SEC14L1: variants seen among roughly 807,000 people sequenced by gnomAD.
SEC14L1 encodes SEC14 like lipid binding 1.
A neutral mutation model predicts 85.3 loss-of-function variants in SEC14L1; 48 were observed. The observed-to-expected ratio is 0.56, with a 90% CI of 0.45 to 0.72. SEC14L1 has a LOEUF of 0.72. Ranked by LOEUF, SEC14L1 falls within the 30% of genes least tolerant of loss-of-function variation. The probability of loss-of-function intolerance (pLI) is 0.00; values close to 1 mark genes in which losing one functional copy is unlikely to be tolerated. For synonymous variants in SEC14L1, 391 were observed against 355.5 expected, an observed-to-expected ratio of 1.10 and a Z score of -1.12; for missense variants, 682 against 921.4, an observed-to-expected ratio of 0.74 and a Z score of 3.36.
chr17:77,164,702 A>G (rs1017105372), intron 3 of SEC14L1, among the ~76,000 whole-genome samples: 3 of 151,996 alleles, frequency 2.0e-5, no homozygotes, highest in African/African-American at 4.8e-5. Flanking sequence ...CAGACATGAT[A>G]ATTGGGTGGG....
At chr17:77,183,745 T>C (rs1340147000) in intron 3 of SEC14L1, among the ~76,000 whole-genome samples, 2 of 152,248 alleles carry the variant, frequency 1.3e-5, no homozygotes, top group East Asian at 1.9e-4. Flanking sequence ...CAAGAGCTAA[T>C]GCAGCATTGC....
chr17:77,104,830 G>A lies in SEC14L1; in HGVS notation c.-136+11483G>A, dbSNP rs554720379. ...AAAGAAAGTTTTTTTTTGTGTGTGT[G>A]TGTGTCAAGGTTGAGGACACGTACC... On this transcript the variant is annotated intron_variant, in intron 3 of 19. Transcript: ENST00000392476. Among the ~76,000 whole-genome samples, 137 of 149,782 alleles carry A rather than the reference G, an allele frequency of 9.1e-4. 1 individual carries two copies. The highest frequency in any genetic ancestry group is 3.3e-3 in the African/African-American group (133 of 40,678).
intron 5 of SEC14L1, among the ~76,000 whole-genome samples, chr17:77,193,139 T>G (rs557296518): frequency 1.3e-5 from 2 of 152,254 alleles, no homozygotes; most frequent in Non-Finnish European, 2.9e-5. Context: ...TCAGTGAGTA[T>G]GTTGAATGAA....
rs1194179307 is a variant in SEC14L1 at position 77,141,068 on chromosome 17, T to A, written c.-175T>A. 7.1e-6 allele frequency: 1 copy of A among 140,952 alleles called. No homozygotes were observed. Among genetic ancestry groups the A allele is most frequent in the African/African-American group, 2.7e-5 (1 of 37,102 alleles). The allele number at this position is 140,952 out of a possible 1,614,324, so 8.7% of individuals were successfully genotyped here. ...GCGGAGCCGCCGGTATGAGCGCCCC[T>A]CGCCACCCCGTGTCCCAGGCCCGGC... On this transcript the variant is annotated 5_prime_UTR_variant, in exon 1 of 17. Coordinates refer to ENST00000436233, the MANE Select transcript of SEC14L1 (RefSeq NM_001143998.2).
At chr17:77,150,405 C>T (rs544096214) in intron 3 of SEC14L1, among the ~76,000 whole-genome samples, 1 of 152,316 alleles carries the variant, frequency 6.6e-6, no homozygotes, top group African/African-American at 2.4e-5. Flanking sequence ...AGATACCCTG[C>T]CCCTTCTCAC....
intron 3 of SEC14L1, among the ~76,000 whole-genome samples, chr17:77,127,194 T>C (rs1237717355): frequency 1.3e-5 from 2 of 151,820 alleles, no homozygotes; most frequent in African/African-American, 2.4e-5. Context: ...TGTCCATGTG[T>C]TCTCATTGTT....
intron 3 of SEC14L1, among the ~76,000 whole-genome samples, chr17:77,164,172 C>T (rs1337457120): frequency 1.3e-5 from 2 of 152,228 alleles, no homozygotes; most frequent in African/African-American, 4.8e-5. Context: ...CGCCTGCTGA[C>T]AGCGGTGTGG....
intron 10 of SEC14L1, among the ~76,000 whole-genome samples, chr17:77,204,522 C>CCTTTTTTTTTTTTTTTTTTTTTTTTTTT (rs1555628453): frequency 2.4e-5 from 2 of 84,728 alleles, no homozygotes; most frequent in African/African-American, 7.9e-5. Flanking sequence ...GCCCAGCCAG[C>CCTTTTTTTTTTTTTTTTTTTTTTTTTTT]TTTTTTTTTT....
At chr17:77,175,086 C>T (rs1478164348) in intron 3 of SEC14L1, among the ~76,000 whole-genome samples, 1 of 152,094 alleles carries the variant, frequency 6.6e-6, no homozygotes, top group East Asian at 1.9e-4. Context: ...TGTCAGGGCA[C>T]AACAAGAGCA....
chr17:77,140,109 A>T (rs1292207513), upstream of SEC14L1, among the ~76,000 whole-genome samples: 1 of 152,232 alleles, frequency 6.6e-6, no homozygotes, highest in Non-Finnish European at 1.5e-5. Context: ...TGGGCATGCG[A>T]GGTGCCCCTT....
chr17:77,204,999 C>T (rs1030467310), intron 10 of SEC14L1, among the ~76,000 whole-genome samples: 1 of 152,206 alleles, frequency 6.6e-6, no homozygotes, highest in African/African-American at 2.4e-5. Flanking sequence ...GCCCCAGAGC[C>T]AGGCCCCTGC....
chr17:77,155,492 G>T (rs1007956011), intron 3 of SEC14L1, among the ~76,000 whole-genome samples: 3 of 152,156 alleles, frequency 2.0e-5, no homozygotes, highest in African/African-American at 7.2e-5. Context: ...CCTCAGTCTT[G>T]CTGGTGCCCA....
Position 77,191,186 on chromosome 17 carries a change from A to T in SEC14L1, c.219A>T (p.Ala73=). ...VDAPRLLKKI[A]GVDYVYFVQK... ...TCTTTCTTTTTTTTTTGAAGATTGC[A>T]GGAGTTGATTATGTTTATTTTGTCC... The change falls in exon 5 of 17, where the codon GCA becomes GCT. Residue 73 remains alanine, a synonymous_variant. Coordinates refer to ENST00000436233, the MANE Select transcript of SEC14L1 (RefSeq NM_001143998.2). 2 of 1,611,656 alleles carry T rather than the reference A, an allele frequency of 1.2e-6. No individual in the cohort carries two copies. The highest frequency in any genetic ancestry group is 1.1e-5 in the South Asian group (1 of 90,958).
chr17:77,204,522 CTTTTTTTTT>C (rs745921636), intron 10 of SEC14L1, among the ~76,000 whole-genome samples: 1 of 84,732 alleles, frequency 1.2e-5, no homozygotes, highest in African/African-American at 4.0e-5. Context: ...GCCCAGCCAG[CTTTTTTTTT>C]TTTTTTTTTT....
chr17:77,090,146 T>G (rs1376510167), intron 2 of SEC14L1: 11 of 149,936 alleles, frequency 7.3e-5, no homozygotes, highest in African/African-American at 2.7e-4. Context: ...CTGGCCAACA[T>G]GAAATTAGCT....
At chr17:77,186,680 G>A (rs1975281843) in intron 3 of SEC14L1, among the ~76,000 whole-genome samples, 1 of 152,222 alleles carries the variant, frequency 6.6e-6, no homozygotes, top group Non-Finnish European at 1.5e-5. Flanking sequence ...AAACCCAGGC[G>A]GAGGAATTCC....
chr17:77,205,929 G>A (rs1029107889), intron 11 of SEC14L1, among the ~76,000 whole-genome samples: 9 of 152,084 alleles, frequency 5.9e-5, no homozygotes, highest in Non-Finnish European at 1.3e-4. Context: ...TTAGCACGTC[G>A]AGGACAGCAC....
chr17:77,105,500 C>T (rs1456748801), intron 3 of SEC14L1, among the ~76,000 whole-genome samples: 1 of 151,736 alleles, frequency 6.6e-6, no homozygotes, highest in Non-Finnish European at 1.5e-5. Flanking sequence ...GTCCCATTCC[C>T]CCATGTTTTA....
chr17:77,154,640 T>TC (rs1973724662), intron 3 of SEC14L1, among the ~76,000 whole-genome samples: 1 of 151,154 alleles, frequency 6.6e-6, no homozygotes, highest in Non-Finnish European at 1.5e-5. Flanking sequence ...TTTTTTTGTT[T>TC]TTTTTTGGTT....
Sources: gnomAD v4.1 joint callset for allele counts (sites outside exome capture counted in the v4.1 genomes callset) on GRCh38, gnomAD v4.1.1 for gene constraint, MANE v1.5 for transcripts, NCBI Gene and HGNC (gene_info 2026-07-23, HGNC 2026-07-21) for gene names.